The following LRFN2 variants were observed in gnomAD, a reference collection of about 807,000 sequenced individuals.
LRFN2 encodes leucine-rich repeat and fibronectin type-III domain-containing protein 2.
In LRFN2, 18 loss-of-function variants were observed where a neutral mutation model predicts 37.3. That is an observed-to-expected ratio of 0.48 (90% CI 0.33 to 0.72). The LOEUF (loss-of-function observed/expected upper bound fraction) is 0.72, where lower values mean the gene tolerates loss of function less well. Among genes scored for constraint, LRFN2 ranks in the 30% least tolerant of loss-of-function variants. The pLI is 0.02. For synonymous variants in LRFN2, 556 were observed against 466.6 expected, an observed-to-expected ratio of 1.19 and a Z score of -2.47; for missense variants, 1,006 against 1,060.7, an observed-to-expected ratio of 0.95 and a Z score of 0.72.
intron 2 of LRFN2, among the ~76,000 whole-genome samples, chr6:40,422,317 T>G (rs1042192281): frequency 6.6e-6 from 1 of 152,194 alleles, no homozygotes; most frequent in African/African-American, 2.4e-5. Context: ...TTACAGAAAC[T>G]CTGTCTACCA....
intron 1 of LRFN2, among the ~76,000 whole-genome samples, chr6:40,459,768 T>G (rs1764307246): frequency 6.6e-6 from 1 of 152,198 alleles, no homozygotes; most frequent in Non-Finnish European, 1.5e-5. Flanking sequence ...CAGCAAAGAC[T>G]TGTGGTTTGG....
chr6:40,508,189 T>C (rs369823077), intron 1 of LRFN2, among the ~76,000 whole-genome samples: 2 of 152,344 alleles, frequency 1.3e-5, no homozygotes, highest in South Asian at 2.1e-4. Flanking sequence ...CTGGACACAG[T>C]GGCTTGTATC....
chr6:40,404,578 T>C (rs1762805959), intron 2 of LRFN2, among the ~76,000 whole-genome samples: 1 of 152,252 alleles, frequency 6.6e-6, no homozygotes, highest in East Asian at 1.9e-4. Context: ...ACAGTGCCAC[T>C]GTGTGACATT....
intron 1 of LRFN2, among the ~76,000 whole-genome samples, chr6:40,480,024 C>T (rs192906433): frequency 2.5e-4 from 38 of 152,326 alleles, no homozygotes; most frequent in Admixed American, 3.9e-4. Flanking sequence ...CGTCTTTATA[C>T]GAAATCCTCA....
intron 1 of LRFN2, among the ~76,000 whole-genome samples, chr6:40,472,706 T>C (rs1764626834): frequency 6.6e-6 from 1 of 152,148 alleles, no homozygotes; most frequent in Non-Finnish European, 1.5e-5. Flanking sequence ...GTGACCTGAC[T>C]CTGAGCAGCA....
chr6:40,507,767 T>C (rs1014807591), intron 1 of LRFN2, among the ~76,000 whole-genome samples: 15 of 152,224 alleles, frequency 9.9e-5, no homozygotes, highest in Non-Finnish European at 2.9e-5. Flanking sequence ...CTCTTGTAGA[T>C]TTGAAACGAC....
At chr6:40,561,729 GGAGCCCC>G (rs1251753408) in intron 1 of LRFN2, among the ~76,000 whole-genome samples, 2 of 152,176 alleles carry the variant, frequency 1.3e-5, no homozygotes, top group Non-Finnish European at 2.9e-5. Context: ...TAGAAAAACA[GGAGCCCC>G]GCTTAATCCA....
rs1179490801 is a variant in LRFN2, at chr6:40,556,741, ACACACACACACG to A, written c.-19+30188_-19+30199del. ...GACACACACACACACACACACACAC[ACACACACACACG>A]CACACACTCCTACTGATGCTCTTGG... On this transcript the variant is annotated intron_variant, in intron 1 of 2. Coordinates refer to ENST00000338305, the MANE Select transcript of LRFN2 (RefSeq NM_020737.3). Among the ~76,000 whole-genome samples, 45 of 148,158 alleles carry A rather than the reference ACACACACACACG, an allele frequency of 3.0e-4. 1 individual carries two copies. The highest frequency in any genetic ancestry group is 8.5e-4 in the African/African-American group (34 of 39,894).
chr6:40,440,653 C>T, intron 1 of LRFN2, among the ~76,000 whole-genome samples: 1 of 152,108 alleles, frequency 6.6e-6, no homozygotes, highest in East Asian at 1.9e-4. Flanking sequence ...GAGAACAGTC[C>T]CCAACCAATG....
rs185732995 is a variant in LRFN2, at chr6:40,447,798, G to A, written c.-18-14667C>T. On this transcript the variant is annotated intron_variant, in intron 1 of 2. Transcript: ENST00000338305. ...ACTCTGGGTGGCCTACCTAGTAGGT[G>A]GTCCACCTAGTAGGTGGCCCCTCAT... 5.3e-3 allele frequency among the ~76,000 whole-genome samples: 803 copies of A among 152,214 alleles called. 2 individuals carry two copies. The highest frequency in any genetic ancestry group is 8.7e-3 in the Non-Finnish European group (595 of 68,012).
At chr6:40,579,007 A>T (rs1451445306) in intron 1 of LRFN2, among the ~76,000 whole-genome samples, 1 of 152,188 alleles carries the variant, frequency 6.6e-6, no homozygotes, top group Non-Finnish European at 1.5e-5. Flanking sequence ...TCCTCCTTAG[A>T]CATAAACTTC....
chr6:40,552,108 A>G (rs1363972415), intron 1 of LRFN2, among the ~76,000 whole-genome samples: 1 of 152,202 alleles, frequency 6.6e-6, no homozygotes, highest in East Asian at 1.9e-4. Context: ...CGTGGTTCTC[A>G]AAGTGTGGTC....
chr6:40,539,549 G>A (rs1462837961), intron 1 of LRFN2, among the ~76,000 whole-genome samples: 1 of 152,118 alleles, frequency 6.6e-6, no homozygotes, highest in African/African-American at 2.4e-5. Flanking sequence ...TGGGAGCTTT[G>A]GGTACAGCAG....
At chr6:40,483,542 G>A (rs548118866) in intron 1 of LRFN2, among the ~76,000 whole-genome samples, 5 of 152,332 alleles carry the variant, frequency 3.3e-5, no homozygotes, top group African/African-American at 1.2e-4. Flanking sequence ...CATTTATTGA[G>A]CACTTATTGT....
At chr6:40,422,195 A>T (rs1234353726) in intron 2 of LRFN2, among the ~76,000 whole-genome samples, 1 of 152,194 alleles carries the variant, frequency 6.6e-6, no homozygotes, top group African/African-American at 2.4e-5. Flanking sequence ...CCAATGTTAG[A>T]TGAAGCAAAT....
At chr6:40,563,436 G>A (rs12216360) in intron 1 of LRFN2, among the ~76,000 whole-genome samples, 14,556 of 152,220 alleles carry the variant, frequency 0.096, 844 homozygotes, top group Non-Finnish European at 0.12. Context: ...GCAGCTGCCA[G>A]GGGCTCCCTG....
chr6:40,582,102 G>A (rs941487557), intron 1 of LRFN2, among the ~76,000 whole-genome samples: 1 of 152,150 alleles, frequency 6.6e-6, no homozygotes. Flanking sequence ...GTTTATTAGA[G>A]ATCTGGGTTA....
At chr6:40,532,579 C>T (rs1766366282) in intron 1 of LRFN2, among the ~76,000 whole-genome samples, 1 of 152,174 alleles carries the variant, frequency 6.6e-6, no homozygotes, top group Non-Finnish European at 1.5e-5. Context: ...ACCATCCCAC[C>T]TCCGCTGCCT....
At chr6:40,547,340 G>A (rs934325081) in intron 1 of LRFN2, among the ~76,000 whole-genome samples, 1 of 152,040 alleles carries the variant, frequency 6.6e-6, no homozygotes, top group Non-Finnish European at 1.5e-5. Context: ...CCTGACCTCA[G>A]GTGATCTGCC....
Sources: allele counts gnomAD v4.1 joint callset (sites outside exome capture counted in the v4.1 genomes callset), GRCh38; gene constraint gnomAD v4.1.1; transcripts MANE v1.5; gene names NCBI Gene and HGNC (gene_info 2026-07-23, HGNC 2026-07-21).